Variants in NOL4 observed in about 807,000 individuals in gnomAD.
NOL4 encodes nucleolar protein 4, also known as cancer/testis antigen 125.
Under a neutral mutation model 75.9 loss-of-function variants are expected in NOL4, and 17 were observed. That is an observed-to-expected ratio of 0.22 (90% CI 0.15 to 0.34). The LOEUF is 0.34. Among genes scored for constraint, NOL4 ranks in the 10% least tolerant of loss-of-function variants. NOL4 has a pLI of 1.00. For missense variants in NOL4, 614 were observed against 793.5 expected, an observed-to-expected ratio of 0.77 and a Z score of 2.72; for synonymous variants, 292 against 289.9, an observed-to-expected ratio of 1.01 and a Z score of -0.07.
chr18:34,218,900 G>T (rs1369107582), intron 1 of NOL4, among the ~76,000 whole-genome samples: 1 of 152,214 alleles, frequency 6.6e-6, no homozygotes, highest in African/African-American at 2.4e-5. Flanking sequence ...AGGTGGAAAG[G>T]TATACAGGAC....
At chr18:34,171,462 A>G (rs2033033565) in intron 1 of NOL4, among the ~76,000 whole-genome samples, 1 of 152,164 alleles carries the variant, frequency 6.6e-6, no homozygotes, top group African/African-American at 2.4e-5. Context: ...CATATCACCT[A>G]TGTCATTCAT....
intron 5 of NOL4, among the ~76,000 whole-genome samples, chr18:34,036,344 C>T (rs868337575): frequency 1.5e-5 from 2 of 135,514 alleles, no homozygotes; most frequent in South Asian, 2.6e-4. Context: ...AAAGGAAATG[C>T]ATCATATCAA....
intron 6 of NOL4, among the ~76,000 whole-genome samples, chr18:33,966,025 T>C (rs774709429): frequency 2.1e-4 from 32 of 152,288 alleles, no homozygotes; most frequent in Admixed American, 1.6e-3. Flanking sequence ...TTTAAGTTTA[T>C]AAATGTTGTG....
intron 9 of NOL4, among the ~76,000 whole-genome samples, chr18:33,940,748 T>G (rs1599950907): frequency 6.6e-6 from 1 of 151,980 alleles, no homozygotes; most frequent in South Asian, 2.1e-4. Flanking sequence ...AAACAGTATT[T>G]TTTTGTGTGG....
chr18:33,922,073 G>C (rs2067075080), intron 9 of NOL4, among the ~76,000 whole-genome samples: 1 of 152,146 alleles, frequency 6.6e-6, no homozygotes, highest in African/African-American at 2.4e-5. Context: ...ACTATGAGAG[G>C]ATAACCTGTC....
At chr18:34,199,134 G>C (rs1384112728) in intron 1 of NOL4, among the ~76,000 whole-genome samples, 1 of 148,258 alleles carries the variant, frequency 6.7e-6, no homozygotes, top group African/African-American at 2.5e-5. Context: ...AGCAAAGCCT[G>C]GGACAGAGAA....
chr18:34,200,373 T>A (rs906556140), intron 1 of NOL4, among the ~76,000 whole-genome samples: 3 of 151,830 alleles, frequency 2.0e-5, no homozygotes, highest in Non-Finnish European at 3.0e-5. Context: ...GAAGAAATAA[T>A]TTTTAAAATA....
intron 2 of NOL4, among the ~76,000 whole-genome samples, chr18:34,129,076 T>C (rs1324051887): frequency 6.6e-6 from 1 of 151,912 alleles, no homozygotes; most frequent in Non-Finnish European, 1.5e-5. Context: ...TCAATTTTCC[T>C]AGACAGGATG....
chr18:34,097,220 G>A (rs960410325), intron 4 of NOL4, among the ~76,000 whole-genome samples: 6 of 152,176 alleles, frequency 3.9e-5, no homozygotes, highest in South Asian at 4.1e-4. Context: ...AAATATTTAC[G>A]GTTTCCCATA....
At chr18:34,043,772 G>A (rs2076241928) in intron 5 of NOL4, among the ~76,000 whole-genome samples, 1 of 152,026 alleles carries the variant, frequency 6.6e-6, no homozygotes, top group Admixed American at 6.6e-5. Context: ...AATCAGGGAG[G>A]CAGTTGCCTC....
chr18:34,058,150 T>C (rs2076907803), intron 5 of NOL4, among the ~76,000 whole-genome samples: 1 of 152,162 alleles, frequency 6.6e-6, no homozygotes, highest in African/African-American at 2.4e-5. Context: ...TTTCTTTTTT[T>C]TGAGACAAAA....
intron 1 of NOL4, among the ~76,000 whole-genome samples, chr18:34,201,849 G>A (rs1181115003): frequency 6.0e-5 from 9 of 150,806 alleles, no homozygotes; most frequent in Admixed American, 2.0e-4. Flanking sequence ...TTTTATATTC[G>A]GTGCTATGAA....
At chr18:34,080,995 A>C (rs1257923643) in intron 5 of NOL4, among the ~76,000 whole-genome samples, 2 of 152,228 alleles carry the variant, frequency 1.3e-5, no homozygotes, top group Non-Finnish European at 2.9e-5. Context: ...TTTCATACCC[A>C]GAATAACATT....
At chr18:34,025,744 G>T (rs921835685) in intron 5 of NOL4, among the ~76,000 whole-genome samples, 2 of 151,994 alleles carry the variant, frequency 1.3e-5, no homozygotes, top group African/African-American at 4.8e-5. Context: ...TTTTCTCTTG[G>T]TATTTTCAGC....
At chr18:33,946,741 A>G (rs2068859426) in intron 8 of NOL4, among the ~76,000 whole-genome samples, 1 of 151,772 alleles carries the variant, frequency 6.6e-6, no homozygotes, top group South Asian at 2.1e-4. Context: ...AAATTCTATA[A>G]ATTATGAAAT....
chr18:33,951,546 C>T (rs56235556), intron 8 of NOL4, among the ~76,000 whole-genome samples: 1 of 151,942 alleles, frequency 6.6e-6, no homozygotes, highest in African/African-American at 2.4e-5. Flanking sequence ...TCATCATTAT[C>T]TTTTTCAATT....
intron 5 of NOL4, among the ~76,000 whole-genome samples, chr18:34,029,157 C>T (rs2075504086): frequency 6.6e-6 from 1 of 152,054 alleles, no homozygotes; most frequent in Admixed American, 6.6e-5. Context: ...ACTAATCATG[C>T]CCCCCTTTGG....
intron 1 of NOL4, among the ~76,000 whole-genome samples, chr18:34,133,983 A>G (rs1237071271): frequency 6.6e-6 from 1 of 152,162 alleles, no homozygotes; most frequent in African/African-American, 2.4e-5. Flanking sequence ...AGATCACGCC[A>G]CTGCACTCCA....
At chr18:33,977,192 C>G (rs2071560180) in intron 6 of NOL4, among the ~76,000 whole-genome samples, 1 of 152,080 alleles carries the variant, frequency 6.6e-6, no homozygotes, top group Non-Finnish European at 1.5e-5. Context: ...GATACTATTA[C>G]ATTCACTTTA....
Sources: allele counts gnomAD v4.1 joint callset (sites outside exome capture counted in the v4.1 genomes callset), GRCh38; gene constraint gnomAD v4.1.1; transcripts MANE v1.5; gene names NCBI Gene and HGNC (gene_info 2026-07-23, HGNC 2026-07-21).